OSTN: variants seen among roughly 807,000 people sequenced by gnomAD.
OSTN encodes osteocrin.
In OSTN, 9 loss-of-function variants were observed where a neutral mutation model predicts 12.0. The observed-to-expected ratio is 0.75, with a 90% CI of 0.45 to 1.30. OSTN has a LOEUF of 1.30. Ranked by LOEUF, OSTN falls within the 50% of genes most tolerant of loss-of-function variation. The probability of loss-of-function intolerance (pLI) is 0.00; values close to 1 mark genes in which losing one functional copy is unlikely to be tolerated. For missense variants in OSTN, 148 were observed against 152.3 expected, an observed-to-expected ratio of 0.97 and a Z score of 0.15; for synonymous variants, 59 against 56.9, an observed-to-expected ratio of 1.04 and a Z score of -0.16.
intron 1 of OSTN, among the ~76,000 whole-genome samples, chr3:191,203,236 A>G (rs1714191587): frequency 6.6e-6 from 1 of 152,176 alleles, no homozygotes; most frequent in Admixed American, 6.5e-5. Flanking sequence ...TTCATTCAAC[A>G]CACACATTTG....
At chr3:191,246,187 A>G (rs946720334) in intron 3 of OSTN, among the ~76,000 whole-genome samples, 7 of 151,524 alleles carry the variant, frequency 4.6e-5, no homozygotes, top group Admixed American at 1.3e-4. Flanking sequence ...CCCAGCCGCT[A>G]TTTCCTTCCC....
rs368794297 is a variant in OSTN at position 191,203,486 on chromosome 3, T to C, written c.-1+4179T>C. Among the ~76,000 whole-genome samples the C allele has an allele frequency of 3.3e-5, 5 of 152,154 alleles. No homozygotes were observed. The East Asian group carries it at 7.7e-4, about 23-fold the overall frequency. On this transcript the variant is annotated intron_variant, in intron 1 of 4. Coordinates refer to ENST00000682035, the MANE Select transcript of OSTN (RefSeq NM_198184.2). ...AATAGAGGAAAAAAACAGACAGAGA[T>C]AGTTAAAAATAAAATTTTAAGATTT...
intron 3 of OSTN, among the ~76,000 whole-genome samples, chr3:191,220,072 G>T (rs1189561755): frequency 6.6e-6 from 1 of 152,080 alleles, no homozygotes; most frequent in Non-Finnish European, 1.5e-5. Flanking sequence ...TCATAATCTG[G>T]AACCTCATTT....
chr3:191,221,470 C>A (rs1056027263), intron 3 of OSTN, among the ~76,000 whole-genome samples: 17 of 152,104 alleles, frequency 1.1e-4, no homozygotes, highest in African/African-American at 4.1e-4. Context: ...GTGATGTGGT[C>A]AATGAAGTCC....
chr3:191,228,852 T>TA (rs1303534317), intron 3 of OSTN: 2 of 152,154 alleles, frequency 1.3e-5, no homozygotes, highest in African/African-American at 2.4e-5. Context: ...TTATTATGGC[T>TA]AAAAAATGAT....
chr3:191,231,398 G>A (rs977498425), intron 3 of OSTN, among the ~76,000 whole-genome samples: 1 of 151,500 alleles, frequency 6.6e-6, no homozygotes, highest in Non-Finnish European at 1.5e-5. Context: ...AGACTAAAAT[G>A]TGACGTATTT....
chr3:191,233,855 T>C (rs1157701705), intron 3 of OSTN, among the ~76,000 whole-genome samples: 2 of 152,076 alleles, frequency 1.3e-5, no homozygotes, highest in African/African-American at 4.8e-5. Context: ...TTGCTGGGTG[T>C]GGCGGCGCAT....
intron 3 of OSTN, among the ~76,000 whole-genome samples, chr3:191,230,422 G>A (rs1032038239): frequency 2.6e-5 from 4 of 151,842 alleles, no homozygotes; most frequent in Non-Finnish European, 2.9e-5. Context: ...AAATTAGCTG[G>A]GCATGGTGGT....
intron 4 of OSTN, among the ~76,000 whole-genome samples, chr3:191,260,075 C>T (rs1427988822): frequency 6.6e-6 from 1 of 151,806 alleles, no homozygotes; most frequent in Non-Finnish European, 1.5e-5. Context: ...TGGTCTCGAT[C>T]TCTTGACCTC....
At chr3:191,199,490 C>T (rs575999295) in intron 1 of OSTN, among the ~76,000 whole-genome samples, 183 bp downstream of exon 1, 24 of 152,084 alleles carry the variant, frequency 1.6e-4, no homozygotes, top group African/African-American at 5.3e-4. Flanking sequence ...TAAGGTAGAA[C>T]TAATTGCTTA....
intron 3 of OSTN, chr3:191,228,595 T>G (rs1335731605): frequency 1.3e-5 from 2 of 152,194 alleles, no homozygotes; most frequent in East Asian, 3.8e-4. Flanking sequence ...TTACTGACAT[T>G]TTCTTCCCAG....
intron 3 of OSTN, among the ~76,000 whole-genome samples, chr3:191,235,325 C>T (rs76965760): frequency 3.9e-5 from 6 of 152,286 alleles, no homozygotes; most frequent in African/African-American, 1.4e-4. Context: ...TTCTCTTTTC[C>T]CTAGCTTGGA....
chr3:191,237,051 C>T (rs1350584852), intron 3 of OSTN, among the ~76,000 whole-genome samples: 2 of 152,054 alleles, frequency 1.3e-5, no homozygotes, highest in Non-Finnish European at 2.9e-5. Context: ...TACAAAGCTG[C>T]TAGAGCAAGC....
chr3:191,222,932 G>A lies in OSTN; in HGVS notation c.317+3971G>A, dbSNP rs115239337. On this transcript the variant is annotated intron_variant, in intron 3 of 4. Transcript: ENST00000682035. ...TTCTTGCTGCCACCACGTGAAGAAG[G>A]ATGTGTTTGCTTCTCCTTCTACCAT... is the stretch of plus-strand genomic sequence containing the variant. Among the ~76,000 whole-genome samples the A allele has an allele frequency of 7.7e-3, 1,178 of 152,154 alleles. 21 individuals carry two copies. The highest frequency in any genetic ancestry group is 0.027 in the African/African-American group (1,127 of 41,512).
chr3:191,228,397 A>G (rs1247636715), intron 3 of OSTN, among the ~76,000 whole-genome samples: 1 of 152,212 alleles, frequency 6.6e-6, no homozygotes, highest in African/African-American at 2.4e-5. Flanking sequence ...TACATTCAAC[A>G]TTTTGCAGCA....
chr3:191,206,115 A>G (rs1366082886), intron 1 of OSTN, among the ~76,000 whole-genome samples: 6 of 151,988 alleles, frequency 3.9e-5, no homozygotes, highest in African/African-American at 1.4e-4. Flanking sequence ...GAACCTGGGA[A>G]GCGGAGGTTG....
chr3:191,265,357 A>T lies in OSTN; in HGVS notation c.*2504A>T, dbSNP rs1399085936. On this transcript the variant is annotated 3_prime_UTR_variant, in exon 5 of 5. Coordinates refer to ENST00000682035, the MANE Select transcript of OSTN (RefSeq NM_198184.2). ...TCAATTACATAATCAAATTTCATAA[A>T]AGGATGTTAGTTACTGGCTATGTTG... 4 of 152,210 alleles carry T rather than the reference A, an allele frequency of 2.6e-5. No homozygotes were observed. Among genetic ancestry groups the T allele is most frequent in the African/African-American group, 9.6e-5 (4 of 41,458 alleles). 9.4% of individuals were successfully genotyped at this position (152,210 alleles called of 1,614,324 possible).
intron 3 of OSTN, among the ~76,000 whole-genome samples, chr3:191,245,431 G>C (rs1277300159): frequency 6.6e-6 from 1 of 152,190 alleles, no homozygotes; most frequent in Non-Finnish European, 1.5e-5. Flanking sequence ...AAAGGAAAGA[G>C]TAGCTTAGAA....
intron 2 of OSTN, among the ~76,000 whole-genome samples, chr3:191,215,894 G>C (rs1714596789): frequency 2.0e-5 from 3 of 152,116 alleles, no homozygotes; most frequent in Admixed American, 2.0e-4. Context: ...TTGGGGCCTG[G>C]AGTACTGTGG....
Sources: gnomAD v4.1 joint callset for allele counts (sites outside exome capture counted in the v4.1 genomes callset) on GRCh38, gnomAD v4.1.1 for gene constraint, MANE v1.5 for transcripts, NCBI Gene and HGNC (gene_info 2026-07-23, HGNC 2026-07-21) for gene names.